Variants in COL8A1 observed in about 807,000 individuals in gnomAD.
COL8A1 encodes the protein collagen alpha-1(VIII) chain.
Under a neutral mutation model 42.7 loss-of-function variants are expected in COL8A1, and 21 were observed. The ratio of observed to expected loss-of-function variants is 0.49; its 90% CI spans 0.35 to 0.71. COL8A1 has a LOEUF of 0.71. COL8A1 is among the 30% of genes least tolerant of loss of function. The pLI is 0.01. For missense variants in COL8A1, 788 were observed against 962.4 expected, an observed-to-expected ratio of 0.82 and a Z score of 2.40; for synonymous variants, 367 against 369.1, an observed-to-expected ratio of 0.99 and a Z score of 0.06.
rs1396289964 is a variant in COL8A1 at position 99,798,490 on chromosome 3, T to C, written c.*2354T>C. The C allele has an allele frequency of 1.3e-5, 2 of 152,216 alleles. No individual in the cohort carries two copies. The highest frequency in any genetic ancestry group is 2.1e-4 in the South Asian group (1 of 4,826). 9.4% of individuals were successfully genotyped at this position (152,216 alleles called of 1,614,324 possible). A position where few individuals can be genotyped will look rare whatever the true frequency, so the allele number is the denominator to read the frequency against. On this transcript the variant is annotated 3_prime_UTR_variant, in exon 4 of 4. Coordinates refer to ENST00000652472, the MANE Select transcript of COL8A1 (RefSeq NM_020351.4). ...TTGTAAAATTGTATTTATCTGTACA[T>C]GTATGGGCTTTTAATTCCCACCAAG...
intron 1 of COL8A1, among the ~76,000 whole-genome samples, chr3:99,734,177 T>G (rs905108119): frequency 4.1e-4 from 61 of 148,580 alleles, no homozygotes; most frequent in East Asian, 7.8e-4. Context: ...GTCAATTTTG[T>G]CTTTTGTTGC....
chr3:99,667,440 T>C lies in COL8A1; in HGVS notation c.-129+28776T>C, dbSNP rs374126264. Reference sequence around the variant, plus strand: ...TACTTAAACAAGTGGGGTTTTGTTGTTGTTGTGTATGTTAGAGATTCCCTC... The same window carrying C: ...TACTTAAACAAGTGGGGTTTTGTTGCTGTTGTGTATGTTAGAGATTCCCTC... On this transcript the variant is annotated intron_variant, in intron 1 of 3. Coordinates refer to ENST00000652472, the MANE Select transcript of COL8A1 (RefSeq NM_020351.4). 8.2e-4 allele frequency among the ~76,000 whole-genome samples: 125 copies of C among 152,278 alleles called. 2 individuals carry two copies. In the South Asian group the frequency reaches 0.025, roughly 30 times the overall value.
intron 1 of COL8A1, among the ~76,000 whole-genome samples, chr3:99,653,060 T>A (rs1447708854): frequency 6.6e-6 from 1 of 152,174 alleles, no homozygotes; most frequent in African/African-American, 2.4e-5. Context: ...AAAATAAACT[T>A]ACCTCTCAGG....
chr3:99,674,242 T>C lies in COL8A1; in HGVS notation c.-129+35578T>C, dbSNP rs1287463004. Among the ~76,000 whole-genome samples, 3 of 151,930 alleles carry C rather than the reference T, an allele frequency of 2.0e-5. No individual in the cohort carries two copies. In the East Asian group the frequency reaches 5.8e-4, roughly 29 times the overall value. Reference sequence around the variant, plus strand: ...AGGGAGTTGAGGTAACATAAGAACCTTTCAGCTTTGTGGCCAGAGTGTGCC... The same window carrying C: ...AGGGAGTTGAGGTAACATAAGAACCCTTCAGCTTTGTGGCCAGAGTGTGCC... On this transcript the variant is annotated intron_variant, in intron 1 of 3. Coordinates refer to ENST00000652472, the MANE Select transcript of COL8A1 (RefSeq NM_020351.4).
At chr3:99,661,929 G>T (rs1938217520) in intron 1 of COL8A1, among the ~76,000 whole-genome samples, 1 of 152,192 alleles carries the variant, frequency 6.6e-6, no homozygotes, top group Admixed American at 6.5e-5. Flanking sequence ...TATGGATAGA[G>T]AAAGTAGAAT....
intron 2 of COL8A1, among the ~76,000 whole-genome samples, chr3:99,789,640 C>A (rs892757102): frequency 6.6e-6 from 1 of 152,136 alleles, no homozygotes. Context: ...TCTTTTCAAG[C>A]TGGTTTTTAT....
intron 1 of COL8A1, among the ~76,000 whole-genome samples, chr3:99,661,141 G>A (rs1275210124): frequency 6.6e-6 from 1 of 151,956 alleles, no homozygotes; most frequent in Non-Finnish European, 1.5e-5. Flanking sequence ...TTCATCAAAG[G>A]ATACAATCCA....
intron 1 of COL8A1, among the ~76,000 whole-genome samples, chr3:99,668,637 T>TA (rs1020687618): frequency 1.4e-4 from 22 of 152,048 alleles, no homozygotes; most frequent in Non-Finnish European, 2.8e-4. Flanking sequence ...TTTTTCACAT[T>TA]AAAAAAACCT....
chr3:99,790,606 T>C, intron 2 of COL8A1, 74 bp from the exon 3 acceptor site: 1 of 1,243,148 alleles, frequency 8.0e-7, no homozygotes, highest in Non-Finnish European at 1.1e-6. Flanking sequence ...TTTTCCCCAT[T>C]CTATCTCTAA....
At chr3:99,703,683 A>G (rs553771131) in intron 1 of COL8A1, 1 of 152,364 alleles carries the variant, frequency 6.6e-6, no homozygotes, top group South Asian at 2.1e-4. Context: ...TTCGGTTACC[A>G]GAACTGTCAA....
chr3:99,693,251 T>G (rs1243363879), intron 1 of COL8A1, among the ~76,000 whole-genome samples: 1 of 152,238 alleles, frequency 6.6e-6, no homozygotes, highest in Non-Finnish European at 1.5e-5. Context: ...TAAAATTTGA[T>G]GATGGTAAAT....
intron 1 of COL8A1, among the ~76,000 whole-genome samples, chr3:99,685,131 C>A (rs547824490): frequency 1.3e-5 from 2 of 152,178 alleles, no homozygotes; most frequent in African/African-American, 4.8e-5. Context: ...CATCAACCAA[C>A]TAAAATGAAA....
chr3:99,666,917 C>T (rs906706158), intron 1 of COL8A1, among the ~76,000 whole-genome samples: 2 of 152,164 alleles, frequency 1.3e-5, no homozygotes, highest in African/African-American at 4.8e-5. Flanking sequence ...TCTATCAATA[C>T]AGGACCAGGA....
chr3:99,744,880 T>A lies in COL8A1; in HGVS notation c.-128-17T>A, dbSNP rs1375051543. The A allele has an allele frequency of 6.6e-6, 1 of 152,242 alleles. No homozygotes were observed. Among genetic ancestry groups the A allele is most frequent in the Non-Finnish European group, 1.5e-5 (1 of 68,054 alleles). The allele number at this position is 152,242 out of a possible 1,614,324, so 9.4% of individuals were successfully genotyped here. Reference sequence around the variant, plus strand: ...TTAATTGCCTTGAGTAAAAGTATCCTCTTTTTTCTACTTTAGAAGCTGTTG... The same window carrying A: ...TTAATTGCCTTGAGTAAAAGTATCCACTTTTTTCTACTTTAGAAGCTGTTG... On this transcript the variant is annotated splice_polypyrimidine_tract_variant and intron_variant, in intron 1 of 3. Transcript: ENST00000652472.
chr3:99,738,718 C>T (rs1391191702), intron 1 of COL8A1, among the ~76,000 whole-genome samples: 1 of 146,980 alleles, frequency 6.8e-6, no homozygotes, highest in Non-Finnish European at 1.5e-5. Flanking sequence ...CCTACAGAGG[C>T]AGGCAGGCCT....
chr3:99,729,819 C>T (rs936581388), intron 1 of COL8A1, among the ~76,000 whole-genome samples: 1 of 152,020 alleles, frequency 6.6e-6, no homozygotes, highest in African/African-American at 2.4e-5. Context: ...ATCAGATGTA[C>T]TACTCTATGA....
intron 1 of COL8A1, among the ~76,000 whole-genome samples, chr3:99,668,110 A>G (rs1268119981): frequency 1.3e-5 from 2 of 152,178 alleles, no homozygotes; most frequent in Non-Finnish European, 2.9e-5. Context: ...TTAAAAAAAT[A>G]GAAATGAGAA....
intron 1 of COL8A1, among the ~76,000 whole-genome samples, chr3:99,735,283 G>C (rs966910817): frequency 7.7e-6 from 1 of 129,336 alleles, no homozygotes; most frequent in African/African-American, 3.1e-5. Context: ...CATTGGCTGT[G>C]GGTTTGTCAT....
chr3:99,686,748 C>A (rs745557885), intron 1 of COL8A1, among the ~76,000 whole-genome samples: 6 of 152,188 alleles, frequency 3.9e-5, no homozygotes, highest in African/African-American at 7.2e-5. Flanking sequence ...GATCACAGCT[C>A]ACTGTGGCCT....
Sources: allele counts gnomAD v4.1 joint callset (sites outside exome capture counted in the v4.1 genomes callset), GRCh38; gene constraint gnomAD v4.1.1; transcripts MANE v1.5; gene names NCBI Gene and HGNC (gene_info 2026-07-23, HGNC 2026-07-21).